Variants in IL12RB2 observed in about 807,000 individuals in gnomAD.
The protein encoded by IL12RB2 is interleukin-12 receptor subunit beta-2.
Under a neutral mutation model 89.4 loss-of-function variants are expected in IL12RB2, and 82 were observed. The observed-to-expected ratio is 0.92, with a 90% confidence interval of 0.77 to 1.10. The LOEUF is 1.10. Among genes scored for constraint, IL12RB2 ranks in the 50% least tolerant of loss-of-function variants. The pLI is 0.00. For missense variants in IL12RB2, 963 were observed against 1,031.9 expected, an observed-to-expected ratio of 0.93 and a Z score of 0.92; for synonymous variants, 368 against 370.1, an observed-to-expected ratio of 0.99 and a Z score of 0.07.
At chr1:67,372,584 A>G (rs1404090655) in intron 12 of IL12RB2, 41 bp from the exon 13 acceptor site, 2 of 1,610,712 alleles carry the variant, frequency 1.2e-6, no homozygotes, top group Non-Finnish European at 1.7e-6. Context: ...AATGATTTGG[A>G]TTTGGAGGGT....
rs1666344806 is a variant in IL12RB2 at position 67,396,086 on chromosome 1, C to T, written c.2586C>T (p.Leu862=). 7 of 1,579,546 alleles carry T rather than the reference C, an allele frequency of 4.4e-6. No homozygotes were observed. Among genetic ancestry groups the T allele is most frequent in the Non-Finnish European group, 6.1e-6 (7 of 1,148,562 alleles). Residue 862 remains leucine (L), a synonymous_variant, in exon 17 of 17, where the codon CTC becomes CTT. Coordinates refer to ENST00000674203, the MANE Select transcript of IL12RB2 (RefSeq NM_001374259.2). The stretch of plus-strand genomic sequence containing the variant: ...AGATGAGGTGTGACTCCCTCATGCT[C>T]TGAGTGGTGAGGCTTCAAGCCTTAA... ...QLKMRCDSLM[L]
At chr1:67,374,476 CTTT>C (rs34836285) in intron 13 of IL12RB2, among the ~76,000 whole-genome samples, 1 of 136,532 alleles carries the variant, frequency 7.3e-6, no homozygotes, top group Non-Finnish European at 1.6e-5. Flanking sequence ...TCTGTTTATT[CTTT>C]TTTTTTTTTT....
At chr1:67,327,020 G>A (rs1286625591) in intron 5 of IL12RB2, among the ~76,000 whole-genome samples, 171 bp downstream of exon 5, 5 of 150,220 alleles carry the variant, frequency 3.3e-5, no homozygotes, top group Admixed American at 2.7e-4. Context: ...GAGTGCAGTG[G>A]CGCAATCTCG....
At chr1:67,391,526 A>T (rs1665827617) in intron 16 of IL12RB2, among the ~76,000 whole-genome samples, 1 of 148,244 alleles carries the variant, frequency 6.7e-6, no homozygotes, top group Non-Finnish European at 1.5e-5. Context: ...TTATATAATA[A>T]TATTATACAT....
At chr1:67,378,917 G>T (rs1664268312) in intron 13 of IL12RB2, among the ~76,000 whole-genome samples, 2 of 150,690 alleles carry the variant, frequency 1.3e-5, no homozygotes, top group African/African-American at 2.4e-5. Flanking sequence ...ACTTACATAG[G>T]CTGGGTGTGG....
At chr1:67,371,805 A>G (rs1359863800) in intron 11 of IL12RB2, among the ~76,000 whole-genome samples, 2 of 152,192 alleles carry the variant, frequency 1.3e-5, no homozygotes, top group Non-Finnish European at 2.9e-5. Flanking sequence ...ACTGAAATCT[A>G]ACTGGAACAT....
At chr1:67,324,463 C>T (rs191493401) in intron 4 of IL12RB2, among the ~76,000 whole-genome samples, 20 of 152,238 alleles carry the variant, frequency 1.3e-4, no homozygotes, top group African/African-American at 3.1e-4. Context: ...CTCAGTGATC[C>T]GCCCCCATCA....
intron 8 of IL12RB2, among the ~76,000 whole-genome samples, chr1:67,337,249 T>A (rs729188): frequency 3.3e-5 from 5 of 151,970 alleles, no homozygotes; most frequent in Non-Finnish European, 7.4e-5. Context: ...TAGATGGAAC[T>A]TTCTAACCTA....
chr1:67,363,277 C>T (rs17425666), intron 10 of IL12RB2, among the ~76,000 whole-genome samples: 5,582 of 134,742 alleles, frequency 0.041, 396 homozygotes, highest in African/African-American at 0.15. Context: ...AGTGCAATGG[C>T]GTGATCTTGG....
chr1:67,314,910 A>G (rs1456168212), intron 2 of IL12RB2, among the ~76,000 whole-genome samples: 2 of 150,522 alleles, frequency 1.3e-5, no homozygotes, highest in Non-Finnish European at 2.9e-5. Flanking sequence ...AGTCAATGAC[A>G]TAGCACACTC....
Position 67,321,813 on chromosome 1 carries a change from A to G in IL12RB2, c.288A>G (p.Thr96=). 7 of 1,612,802 alleles carry G rather than the reference A, an allele frequency of 4.3e-6. No homozygotes were observed. The highest frequency in any genetic ancestry group is 5.9e-6 in the Non-Finnish European group (7 of 1,178,780). The part of the protein sequence containing the change: ...NSQVTGLPLG[T]TLFVCKLACI... ...AAGTCACAGGTCTTCCCCTTGGTACAACCTTGTTTGTCTGCAAACTGGCCT... is the reference window on the plus strand; with the variant it reads ...AAGTCACAGGTCTTCCCCTTGGTACGACCTTGTTTGTCTGCAAACTGGCCT... Residue 96 remains threonine (T), a synonymous_variant, in exon 4 of 17, where the codon ACA becomes ACG. Transcript: ENST00000674203.
intron 11 of IL12RB2, among the ~76,000 whole-genome samples, chr1:67,372,117 T>C (rs1663432765): frequency 6.6e-6 from 1 of 152,068 alleles, no homozygotes; most frequent in South Asian, 2.1e-4. Flanking sequence ...TAAATCCGTG[T>C]TGGAACTCAA....
intron 11 of IL12RB2, among the ~76,000 whole-genome samples, chr1:67,368,930 T>C (rs562741110): frequency 8.5e-5 from 13 of 152,382 alleles, no homozygotes; most frequent in African/African-American, 3.1e-4. Context: ...ATCATTATTA[T>C]TGTTACGTGA....
intron 6 of IL12RB2, among the ~76,000 whole-genome samples, chr1:67,328,900 G>A (rs2100664801): frequency 6.6e-6 from 1 of 152,322 alleles, no homozygotes; most frequent in South Asian, 2.1e-4. Context: ...ACATTTCTGA[G>A]CAAATGTAAT....
intron 8 of IL12RB2, 133 bp downstream of exon 8, chr1:67,330,943 C>A: frequency 1.4e-6 from 1 of 710,986 alleles, no homozygotes. Flanking sequence ...CATTAGTTAA[C>A]AAGTTAATTT....
chr1:67,394,182 A>T (rs191825217), intron 16 of IL12RB2, among the ~76,000 whole-genome samples: 2 of 152,138 alleles, frequency 1.3e-5, no homozygotes, highest in African/African-American at 4.8e-5. Flanking sequence ...TTCTGAAGAG[A>T]AAGACAGAGA....
At position 67,368,029 on chromosome 1, in the gene IL12RB2, C is replaced by T; in HGVS notation, c.1459+4C>T. The T allele has an allele frequency of 6.4e-7, 1 of 1,562,742 alleles. No homozygotes were observed. Among genetic ancestry groups the T allele is most frequent in the Non-Finnish European group, 8.8e-7 (1 of 1,133,348 alleles). ...AATGTGTCTGCTCTGATTTCAGGTA[C>T]CTAATTGTTCACCTTCCTTCTAGAG... On this transcript the variant is annotated splice_donor_region_variant and intron_variant, in intron 11 of 16. Transcript: ENST00000674203.
chr1:67,315,111 G>A (rs1655596390), intron 2 of IL12RB2, among the ~76,000 whole-genome samples: 1 of 152,070 alleles, frequency 6.6e-6, no homozygotes, highest in African/African-American at 2.4e-5. Context: ...GAGAAAATGA[G>A]CAAGTTTGTG....
chr1:67,317,472 T>C (rs1655927087), intron 2 of IL12RB2, among the ~76,000 whole-genome samples: 1 of 152,190 alleles, frequency 6.6e-6, no homozygotes, highest in Non-Finnish European at 1.5e-5. Context: ...AGCGAGTCCT[T>C]GGTACCTCAT....
Sources: allele counts gnomAD v4.1 joint callset (sites outside exome capture counted in the v4.1 genomes callset), GRCh38; gene constraint gnomAD v4.1.1; transcripts MANE v1.5; gene names NCBI Gene and HGNC (gene_info 2026-07-23, HGNC 2026-07-21).